The following GUCY1A1 variants were observed in gnomAD, a reference collection of about 807,000 sequenced individuals.
GUCY1A1 encodes guanylate cyclase 1 soluble subunit alpha 1, also known as guanylate cyclase soluble subunit alpha-1.
Under a neutral mutation model 64.5 loss-of-function variants are expected in GUCY1A1, and 48 were observed. That is an observed-to-expected ratio of 0.74 (90% CI 0.59 to 0.95). The LOEUF is 0.95. GUCY1A1 is among the 40% of genes least tolerant of loss of function. The pLI, the probability that GUCY1A1 is intolerant of heterozygous loss-of-function variation, is 0.00. For missense variants in GUCY1A1, 804 were observed against 825.3 expected, an observed-to-expected ratio of 0.97 and a Z score of 0.32; for synonymous variants, 308 against 303.4, an observed-to-expected ratio of 1.02 and a Z score of -0.16.
chr4:155,727,131 C>A lies in GUCY1A1; in HGVS notation c.1872-2899C>A, dbSNP rs374511527. ...ATTGGAGCATTGATGCAGTAATTTG[C>A]GGAAAAATGGTGTCTGGTGAAGAAG... On this transcript the variant is annotated intron_variant, in intron 9 of 9. Transcript: ENST00000506455. Among the ~76,000 whole-genome samples the A allele has an allele frequency of 2.0e-5, 3 of 151,854 alleles. No individual in the cohort carries two copies. The South Asian group carries it at 6.2e-4, about 32-fold the overall frequency.
intron 4 of GUCY1A1, 35 bp downstream of exon 4, chr4:155,704,028 A>G: frequency 7.7e-7 from 1 of 1,296,488 alleles, no homozygotes; most frequent in East Asian, 2.3e-5. Context: ...TGAACCTCTT[A>G]TTACAATGAC....
chr4:155,674,794 A>G (rs747186744), intron 2 of GUCY1A1, among the ~76,000 whole-genome samples: 41 of 151,656 alleles, frequency 2.7e-4, no homozygotes, highest in Non-Finnish European at 6.0e-4. Context: ...TTATTTTTAT[A>G]AGTAAAACTA....
chr4:155,736,577 T>A lies in GUCY1A1; in HGVS notation c.*6346T>A, dbSNP rs1736077404. On this transcript the variant is annotated 3_prime_UTR_variant, in exon 10 of 10. Transcript: ENST00000506455. ...ATGTTCAAAATGAGAAGACAATAAC[T>A]GACAAGTCTGTGATTTTTGGGTTAG... The A allele has an allele frequency of 6.6e-6, 1 of 152,018 alleles. No homozygotes were observed. Among genetic ancestry groups the A allele is most frequent in the African/African-American group, 2.4e-5 (1 of 41,420 alleles). 9.4% of individuals were successfully genotyped at this position (152,018 alleles called of 1,614,324 possible). A position where few individuals can be genotyped will look rare whatever the true frequency, so the allele number is the denominator to read the frequency against.
At position 155,697,090 on chromosome 4, in the gene GUCY1A1, G is replaced by T. The variant is rs1483349559; in HGVS notation, c.223G>T (p.Ala75Ser). 3.7e-6 allele frequency: 6 copies of T among 1,613,296 alleles called. No individual in the cohort carries two copies. Reference sequence around the variant, plus strand: ...GAGCCGAGTCTATCTTCACACTTTGGCAGAGAGTATTTGCAAACTGATTTT... The same window carrying T: ...GAGCCGAGTCTATCTTCACACTTTGTCAGAGAGTATTTGCAAACTGATTTT... Reference protein sequence around the residue: ...SRSRVYLHTLAESICKLIFPE... With the variant: ...SRSRVYLHTLSESICKLIFPE... Residue 75 changes from alanine (A) to serine (S), a missense_variant, in exon 3 of 10, where the codon GCA becomes TCA. Transcript: ENST00000506455.
rs1469869104 is a variant in GUCY1A1 at position 155,733,581 on chromosome 4, A to G, written c.*3350A>G. On this transcript the variant is annotated 3_prime_UTR_variant, in exon 10 of 10. Transcript: ENST00000506455. Reference sequence around the variant, plus strand: ...TTTACATGACCTTAAGTAGTTATCAACATTACCATAATAGTAATATTAATA... The same window carrying G: ...TTTACATGACCTTAAGTAGTTATCAGCATTACCATAATAGTAATATTAATA... Among the ~76,000 whole-genome samples, 3 of 151,692 alleles carry G rather than the reference A, an allele frequency of 2.0e-5. No homozygotes were observed. Among genetic ancestry groups the G allele is most frequent in the African/African-American group, 7.3e-5 (3 of 41,334 alleles).
chr4:155,680,504 C>A (rs1735582899), intron 2 of GUCY1A1, among the ~76,000 whole-genome samples: 1 of 150,534 alleles, frequency 6.6e-6, no homozygotes, highest in African/African-American at 2.4e-5. Flanking sequence ...GTGTATGATC[C>A]TTGAACAACA....
At chr4:155,728,878 T>C (rs575858889) in intron 9 of GUCY1A1, among the ~76,000 whole-genome samples, 1 of 152,058 alleles carries the variant, frequency 6.6e-6, no homozygotes, top group East Asian at 1.9e-4. Context: ...CTTATACTTT[T>C]AATACTGTCT....
chr4:155,724,304 T>G (rs1734369226), intron 9 of GUCY1A1, among the ~76,000 whole-genome samples: 1 of 152,168 alleles, frequency 6.6e-6, no homozygotes, highest in South Asian at 2.1e-4. Flanking sequence ...CTATTAAAGC[T>G]CTGAATTGAA....
At chr4:155,696,190 CT>C (rs1730381758) in intron 2 of GUCY1A1, among the ~76,000 whole-genome samples, 1 of 151,938 alleles carries the variant, frequency 6.6e-6, no homozygotes, top group Non-Finnish European at 1.5e-5. Context: ...TAAAATTTTT[CT>C]TTTGCCATAA....
chr4:155,712,561 T>C (rs1732715698), intron 6 of GUCY1A1, among the ~76,000 whole-genome samples: 1 of 151,978 alleles, frequency 6.6e-6, no homozygotes, highest in South Asian at 2.1e-4. Flanking sequence ...GAAAAAAAAA[T>C]TAAGATAAAA....
At chr4:155,684,577 A>G (rs943088412) in intron 2 of GUCY1A1, among the ~76,000 whole-genome samples, 3 of 152,180 alleles carry the variant, frequency 2.0e-5, no homozygotes, top group African/African-American at 7.2e-5. Flanking sequence ...GCCACCTCCA[A>G]AGAAACATCT....
chr4:155,679,407 C>G (rs1735400895), intron 2 of GUCY1A1, among the ~76,000 whole-genome samples: 1 of 152,158 alleles, frequency 6.6e-6, no homozygotes, highest in African/African-American at 2.4e-5. Flanking sequence ...GGAAGCATGG[C>G]ACCAGCATTT....
intron 7 of GUCY1A1, among the ~76,000 whole-genome samples, chr4:155,715,363 C>T (rs1733088572): frequency 6.6e-6 from 1 of 152,080 alleles, no homozygotes; most frequent in East Asian, 1.9e-4. Context: ...TTTATTTTCT[C>T]TCTGTCTTTC....
chr4:155,717,742 A>C (rs770001364), intron 8 of GUCY1A1, among the ~76,000 whole-genome samples: 4 of 152,156 alleles, frequency 2.6e-5, no homozygotes, highest in Non-Finnish European at 5.9e-5. Flanking sequence ...GCAAGATGGC[A>C]ATCCTGCATC....
intron 9 of GUCY1A1, among the ~76,000 whole-genome samples, chr4:155,727,293 A>T (rs923668892): frequency 1.3e-5 from 2 of 151,890 alleles, no homozygotes; most frequent in Non-Finnish European, 2.9e-5. Flanking sequence ...TTTTAAAAAG[A>T]CAATATAATG....
chr4:155,699,245 C>T lies in GUCY1A1; in HGVS notation c.255+2123C>T, dbSNP rs1302441845. On this transcript the variant is annotated intron_variant, in intron 3 of 9. Transcript: ENST00000506455. ...TTGGCTCAGCTAGAGATTTTGAGAG[C>T]CTCTCAAACATTTTCTATGGATGTG... Among the ~76,000 whole-genome samples, 4 of 151,932 alleles carry T rather than the reference C, an allele frequency of 2.6e-5. No homozygotes were observed. In the South Asian group the frequency reaches 8.3e-4, roughly 32 times the overall value.
At chr4:155,670,579 T>C (rs1734012187) in intron 2 of GUCY1A1, among the ~76,000 whole-genome samples, 1 of 152,260 alleles carries the variant, frequency 6.6e-6, no homozygotes. Context: ...CAGAGTTATT[T>C]TGGAGGGGTG....
At chr4:155,707,462 A>G (rs1731931274) in intron 4 of GUCY1A1, among the ~76,000 whole-genome samples, 1 of 152,198 alleles carries the variant, frequency 6.6e-6, no homozygotes, top group African/African-American at 2.4e-5. Flanking sequence ...TCATGGCCAC[A>G]TGAGAGCTGT....
chr4:155,712,384 G>A (rs997822370), intron 6 of GUCY1A1, among the ~76,000 whole-genome samples: 13 of 152,120 alleles, frequency 8.5e-5, no homozygotes, highest in South Asian at 2.1e-4. Context: ...CATCCGCCTC[G>A]TTCTCCTAAG....
Sources: allele counts gnomAD v4.1 joint callset (sites outside exome capture counted in the v4.1 genomes callset), GRCh38; gene constraint gnomAD v4.1.1; transcripts MANE v1.5; gene names NCBI Gene and HGNC (gene_info 2026-07-23, HGNC 2026-07-21).